CLDN14: variants seen among roughly 807,000 people sequenced by gnomAD.
The protein encoded by CLDN14 is claudin-14.
Under a neutral mutation model 2.1 loss-of-function variants are expected in CLDN14, and 2 were observed. The observed-to-expected ratio is 0.96, with a 90% CI of 0.39 to 3.01. The LOEUF is 3.01. Among genes scored for constraint, CLDN14 ranks in the 30% most tolerant of loss-of-function variants. The pLI is 0.09. For missense variants in CLDN14, 298 were observed against 328.0 expected (o/e 0.91, Z 0.71); for synonymous variants, 136 against 154.4 (o/e 0.88, Z 0.88).
intron 1 of CLDN14, among the ~76,000 whole-genome samples, chr21:36,520,978 C>T (rs2087265159): frequency 6.6e-6 from 1 of 152,162 alleles, no homozygotes; most frequent in Non-Finnish European, 1.5e-5. Flanking sequence ...GCCCAAGCAA[C>T]TGCTTGCTTC....
intron 1 of CLDN14, among the ~76,000 whole-genome samples, chr21:36,554,197 T>C (rs451243): frequency 0.73 from 111,112 of 152,064 alleles, 42,679 homozygotes; most frequent in Non-Finnish European, 0.87. Context: ...TTTGGATATA[T>C]GGCCCTTTCA....
At chr21:36,543,797 C>G (rs1055257224) in intron 1 of CLDN14, among the ~76,000 whole-genome samples, 2 of 152,156 alleles carry the variant, frequency 1.3e-5, no homozygotes, top group Admixed American at 6.5e-5. Flanking sequence ...CCCCTCGTTT[C>G]CAAATGTGGG....
At chr21:36,516,717 G>C (rs1233373658) in intron 1 of CLDN14, among the ~76,000 whole-genome samples, 1 of 152,234 alleles carries the variant, frequency 6.6e-6, no homozygotes, top group Non-Finnish European at 1.5e-5. Context: ...TTAAATGAAT[G>C]CTCCTTGAAG....
At chr21:36,464,547 T>A (rs1372080070) in intron 1 of CLDN14, among the ~76,000 whole-genome samples, 1 of 152,206 alleles carries the variant, frequency 6.6e-6, no homozygotes, top group African/African-American at 2.4e-5. Context: ...CAGTCCCTGC[T>A]GGCCAGAGAA....
At chr21:36,506,820 C>T (rs9305585) in intron 2 of CLDN14, among the ~76,000 whole-genome samples, 125,248 of 151,936 alleles carry the variant, frequency 0.82, 52,488 homozygotes, top group Middle Eastern at 0.93. Flanking sequence ...TATTGCAGAG[C>T]ATCAAGAGTT....
At chr21:36,574,300 G>C (rs1403887928) in intron 1 of CLDN14, among the ~76,000 whole-genome samples, 1 of 152,166 alleles carries the variant, frequency 6.6e-6, no homozygotes, top group Non-Finnish European at 1.5e-5. Flanking sequence ...ATTCAATGGA[G>C]AAAGGAAAGT....
rs144322966 is a variant in CLDN14 at position 36,571,153 on chromosome 21, T to C, written c.-220+5258A>G. ...CCGTGCCCAGCCTGCATCTCCTTTTTACCAAACATTCTAATGACACTGTGT... is the reference window on the plus strand; with the variant it reads ...CCGTGCCCAGCCTGCATCTCCTTTTCACCAAACATTCTAATGACACTGTGT... On this transcript the variant is annotated intron_variant, in intron 1 of 2. Coordinates refer to the CLDN14 transcript ENST00000342108. Among the ~76,000 whole-genome samples, 679 of 152,368 alleles carry C rather than the reference T, an allele frequency of 4.5e-3. 3 individuals are homozygous for C. The highest frequency in any genetic ancestry group is 0.015 in the African/African-American group (623 of 41,588).
intron 1 of CLDN14, among the ~76,000 whole-genome samples, chr21:36,520,233 G>T (rs1386258845): frequency 6.6e-6 from 1 of 152,102 alleles, no homozygotes; most frequent in Non-Finnish European, 1.5e-5. Context: ...TTCTCATAAG[G>T]ACACTGACCA....
intron 1 of CLDN14, among the ~76,000 whole-genome samples, chr21:36,543,743 AC>A (rs147483042): frequency 0.14 from 21,344 of 152,092 alleles, 1,759 homozygotes; most frequent in Non-Finnish European, 0.19. Context: ...TAGTTCTAGG[AC>A]CCCACTCTGA....
upstream of CLDN14, among the ~76,000 whole-genome samples, chr21:36,481,438 T>C (rs767739906): frequency 1.4e-4 from 21 of 152,232 alleles, no homozygotes; most frequent in Admixed American, 5.2e-4. Context: ...TTATTTTTTA[T>C]AACTTTGTCT....
intron 1 of CLDN14, among the ~76,000 whole-genome samples, chr21:36,517,400 A>T (rs181464186): frequency 1.2e-4 from 18 of 152,316 alleles, no homozygotes; most frequent in Admixed American, 2.6e-4. Flanking sequence ...CTTGCATTAG[A>T]CAATGACCAT....
At chr21:36,538,824 C>T (rs942777425) in intron 1 of CLDN14, among the ~76,000 whole-genome samples, 2 of 152,122 alleles carry the variant, frequency 1.3e-5, no homozygotes, top group African/African-American at 4.8e-5. Context: ...ACCAAGTCTT[C>T]CTAACTCTTC....
Position 36,486,587 on chromosome 21 carries a change from G to C in CLDN14, c.-82+23776C>G, listed in dbSNP as rs777815205. The C allele has an allele frequency of 4.0e-5, 62 of 1,552,158 alleles. No individual in the cohort carries two copies. The Admixed American group carries it at 9.9e-4, about 25-fold the overall frequency. On this transcript the variant is annotated intron_variant, in intron 2 of 2. Transcript: ENST00000342108. ...AGCCAAGCTGGGCCCAGGAGGCACT[G>C]CCACCAGATGAGAACCGCTTCCATC...
rs118079015 is a variant in CLDN14, at chr21:36,514,149, C to T, written c.-219-3649G>A. 1.4e-3 allele frequency among the ~76,000 whole-genome samples: 209 copies of T among 152,300 alleles called. 1 individual carries two copies. Among genetic ancestry groups the T allele is most frequent in the South Asian group, 8.1e-3 (39 of 4,824 alleles). ...GTGATTACAGGTATGAGCCACTGCA[C>T]CCAGTCTACAAGTTCTTAACAGAAT... On this transcript the variant is annotated intron_variant, in intron 1 of 2. Transcript: ENST00000342108.
chr21:36,468,690 A>G (rs887595538), intron 1 of CLDN14, among the ~76,000 whole-genome samples: 2 of 151,576 alleles, frequency 1.3e-5, no homozygotes, highest in African/African-American at 4.9e-5. Flanking sequence ...AAAGAAAGTA[A>G]CTCTTACGCT....
intron 2 of CLDN14, among the ~76,000 whole-genome samples, chr21:36,495,872 CAG>C (rs1601610280): frequency 1.3e-5 from 2 of 152,248 alleles, no homozygotes; most frequent in South Asian, 2.1e-4. Flanking sequence ...AGAGGAGACA[CAG>C]GGGGAAGAGG....
At chr21:36,463,732 T>G (rs2086609836) in intron 1 of CLDN14, among the ~76,000 whole-genome samples, 1 of 151,644 alleles carries the variant, frequency 6.6e-6, no homozygotes, top group Admixed American at 6.6e-5. Context: ...TAAAATAAAA[T>G]GAAATAAAAT....
chr21:36,549,145 G>GA (rs1555854083), intron 1 of CLDN14, among the ~76,000 whole-genome samples: 47 of 142,368 alleles, frequency 3.3e-4, no homozygotes, highest in Non-Finnish European at 2.5e-4. Flanking sequence ...CATAGCTGGT[G>GA]TTTTTTTTTT....
upstream of CLDN14, among the ~76,000 whole-genome samples, chr21:36,482,419 T>TAGAC (rs1601602861): frequency 6.1e-5 from 9 of 147,306 alleles, no homozygotes; most frequent in South Asian, 2.2e-4. Context: ...GACGGATGGA[T>TAGAC]GGATGGATGG....
Sources: allele counts gnomAD v4.1 joint callset (sites outside exome capture counted in the v4.1 genomes callset), GRCh38; gene constraint gnomAD v4.1.1; transcripts MANE v1.5; gene names NCBI Gene and HGNC (gene_info 2026-07-23, HGNC 2026-07-21).